The following IGF1R variants were observed in gnomAD, a reference collection of about 807,000 sequenced individuals.
IGF1R encodes the protein insulin-like growth factor 1 receptor.
IGF1R carries 44 observed loss-of-function variants against 144.6 expected under a neutral mutation model. The ratio of observed to expected loss-of-function variants is 0.30; its 90% CI spans 0.24 to 0.39. IGF1R has a LOEUF of 0.39. IGF1R is among the 10% of genes least tolerant of loss of function. The pLI is 1.00. For synonymous variants in IGF1R, 795 were observed against 722.8 expected (o/e 1.10, Z -1.60); for missense variants, 1,355 against 1,833.7 (o/e 0.74, Z 4.77).
intron 3 of IGF1R, among the ~76,000 whole-genome samples, chr15:98,893,069 A>G (rs915120548): frequency 2.0e-5 from 3 of 152,226 alleles, no homozygotes; most frequent in Non-Finnish European, 2.9e-5. Context: ...CTCCTTCATG[A>G]TTAGCACCAG....
At chr15:98,766,026 A>C (rs2055429510) in intron 2 of IGF1R, among the ~76,000 whole-genome samples, 1 of 152,120 alleles carries the variant, frequency 6.6e-6, no homozygotes, top group African/African-American at 2.4e-5. Flanking sequence ...GGGCAGGAGG[A>C]GGAAGGTGTT....
intron 2 of IGF1R, among the ~76,000 whole-genome samples, chr15:98,872,776 G>C (rs759192679): frequency 2.2e-4 from 33 of 151,984 alleles, no homozygotes; most frequent in Non-Finnish European, 4.6e-4. Context: ...CCCATGCTCT[G>C]CCTCCTAAGC....
At chr15:98,839,412 T>A (rs1596347442) in intron 2 of IGF1R, among the ~76,000 whole-genome samples, 1 of 151,714 alleles carries the variant, frequency 6.6e-6, no homozygotes, top group Non-Finnish European at 1.5e-5. Context: ...CCACCCACCC[T>A]CCCAGCCACA....
intron 2 of IGF1R, among the ~76,000 whole-genome samples, chr15:98,816,419 G>C (rs1373029163): frequency 6.6e-6 from 1 of 152,148 alleles, no homozygotes. Flanking sequence ...GAAAGCACTT[G>C]CCTGTGTTGA....
intron 20 of IGF1R, among the ~76,000 whole-genome samples, chr15:98,956,830 T>TGGTTCTG (rs1312911412): frequency 6.6e-6 from 1 of 152,228 alleles, no homozygotes; most frequent in African/African-American, 2.4e-5. Flanking sequence ...TGTACCGTGG[T>TGGTTCTG]GGTTCTGGGT....
At chr15:98,713,921 G>A (rs2054055385) in intron 2 of IGF1R, among the ~76,000 whole-genome samples, 1 of 152,194 alleles carries the variant, frequency 6.6e-6, no homozygotes, top group South Asian at 2.1e-4. Flanking sequence ...ATCCAGGAAG[G>A]CAGGGCCGGG....
chr15:98,650,136 C>T (rs548180653), intron 1 of IGF1R, among the ~76,000 whole-genome samples: 1 of 152,292 alleles, frequency 6.6e-6, no homozygotes, highest in East Asian at 1.9e-4. Flanking sequence ...GCTGCTGGGG[C>T]TGACCGGGCA....
chr15:98,930,412 C>T, intron 15 of IGF1R, 107 bp downstream of exon 15: 1 of 727,662 alleles, frequency 1.4e-6, no homozygotes, highest in South Asian at 1.5e-5. Context: ...TTATTTTGAG[C>T]TACCTTTGGC....
intron 2 of IGF1R, among the ~76,000 whole-genome samples, chr15:98,859,077 A>AGG (rs1317867692): frequency 1.3e-5 from 2 of 151,246 alleles, no homozygotes; most frequent in African/African-American, 4.9e-5. Flanking sequence ...GTCATAATGG[A>AGG]GGAAAAAAAA....
Position 98,704,329 on chromosome 15 carries a change from C to T in IGF1R, c.95-3233C>T, listed in dbSNP as rs183668359. The stretch of plus-strand genomic sequence containing the variant: ...TTTAGGCAGAGCTCTGAGGAGGTGA[C>T]GTTTGAGTGGAGACCCAGATGGCTA... On this transcript the variant is annotated intron_variant, in intron 1 of 20. Coordinates refer to ENST00000650285, the MANE Select transcript of IGF1R (RefSeq NM_000875.5). The surrounding 1 kb of genome is among the most constrained non-coding windows in gnomAD (Gnocchi z 4.9). Among the ~76,000 whole-genome samples, 6 of 152,070 alleles carry T rather than the reference C, an allele frequency of 3.9e-5. No individual in the cohort carries two copies. Among genetic ancestry groups the T allele is most frequent in the East Asian group, 1.9e-4 (1 of 5,166 alleles).
intron 18 of IGF1R, among the ~76,000 whole-genome samples, chr15:98,939,743 T>A (rs977424967): frequency 7.2e-5 from 11 of 152,224 alleles, no homozygotes; most frequent in African/African-American, 2.7e-4. Context: ...TTTCCTAGCT[T>A]TTAAGGAGCA....
At chr15:98,924,091 C>G in intron 12 of IGF1R, 79 bp downstream of exon 12, 11 of 1,358,962 alleles carry the variant, frequency 8.1e-6, no homozygotes, top group Non-Finnish European at 1.2e-5. Context: ...CACAGGTTAC[C>G]TCCTGGTTAG....
intron 2 of IGF1R, among the ~76,000 whole-genome samples, chr15:98,882,212 T>G (rs923816812): frequency 9.2e-5 from 14 of 152,222 alleles, no homozygotes; most frequent in Non-Finnish European, 1.8e-4. Flanking sequence ...GACCGTCATC[T>G]TGGAATATTG....
At chr15:98,786,783 A>G (rs1477535815) in intron 2 of IGF1R, among the ~76,000 whole-genome samples, 1 of 152,228 alleles carries the variant, frequency 6.6e-6, no homozygotes, top group African/African-American at 2.4e-5. Flanking sequence ...TCTGGTCACA[A>G]GATGATCAGG....
At chr15:98,700,858 A>T (rs969405201) in intron 1 of IGF1R, among the ~76,000 whole-genome samples, 1 of 151,974 alleles carries the variant, frequency 6.6e-6, no homozygotes, top group Non-Finnish European at 1.5e-5. Context: ...CTCCTCGGAG[A>T]TAGGGAGTTG....
Position 98,917,110 on chromosome 15 carries a change from G to A in IGF1R, c.2201+234G>A, listed in dbSNP as rs45449291. Among the ~76,000 whole-genome samples, 660 of 152,308 alleles carry A rather than the reference G, an allele frequency of 4.3e-3. 5 individuals are homozygous for A. Among genetic ancestry groups the A allele is most frequent in the African/African-American group, 0.015 (629 of 41,570 alleles). Reference sequence around the variant, plus strand: ...GGTTGCTGGGGCCACCGGTGTGACAGGTACTGCTGTCTCAGCCACAACCCC... The same window carrying A: ...GGTTGCTGGGGCCACCGGTGTGACAAGTACTGCTGTCTCAGCCACAACCCC... On this transcript the variant is annotated intron_variant, in intron 10 of 20. Transcript: ENST00000650285.
Position 98,668,646 on chromosome 15 carries a change from C to A in IGF1R, c.94+18971C>A, listed in dbSNP as rs185366968. Among the ~76,000 whole-genome samples, 106 of 152,310 alleles carry A rather than the reference C, an allele frequency of 7.0e-4. 1 individual carries two copies. The highest frequency in any genetic ancestry group is 1.8e-3 in the African/African-American group (75 of 41,578). ...GATAAGTTGCTTATTTTAAACTCTG[C>A]AGGAGCTACATAGAGGAAGTTATAC... is the stretch of plus-strand genomic sequence containing the variant. On this transcript the variant is annotated intron_variant, in intron 1 of 20. Transcript: ENST00000650285.
chr15:98,756,830 T>C (rs1335772756), intron 2 of IGF1R, among the ~76,000 whole-genome samples: 1 of 152,250 alleles, frequency 6.6e-6, no homozygotes, highest in East Asian at 1.9e-4. Context: ...CTAGATGGTT[T>C]GTAATTAAAA....
intron 2 of IGF1R, among the ~76,000 whole-genome samples, chr15:98,761,878 A>G (rs910413415): frequency 1.1e-4 from 16 of 152,206 alleles, no homozygotes; most frequent in Non-Finnish European, 2.1e-4. Flanking sequence ...CCTTCTAGGT[A>G]TGGAGGGGTA....
Sources: allele counts gnomAD v4.1 joint callset (sites outside exome capture counted in the v4.1 genomes callset), GRCh38; gene constraint gnomAD v4.1.1; non-coding constraint Gnocchi (gnomAD v3.1); transcripts MANE v1.5; gene names NCBI Gene and HGNC (gene_info 2026-07-23, HGNC 2026-07-21).